Variants in IFT57 observed in about 807,000 individuals in gnomAD.
The protein encoded by IFT57 is intraflagellar transport protein 57 homolog.
Under a neutral mutation model 56.8 loss-of-function variants are expected in IFT57, and 59 were observed. The ratio of observed to expected loss-of-function variants is 1.04; its 90% CI spans 0.84 to 1.29. IFT57 has a LOEUF of 1.29. Ranked by LOEUF, IFT57 falls within the 50% of genes most tolerant of loss-of-function variation. The pLI, the probability that IFT57 is intolerant of heterozygous loss-of-function variation, is 0.00. For synonymous variants in IFT57, 209 were observed against 186.1 expected, an observed-to-expected ratio of 1.12 and a Z score of -1.00; for missense variants, 470 against 522.1, an observed-to-expected ratio of 0.90 and a Z score of 0.97.
chr3:108,181,471 A>C (rs57902939), intron 6 of IFT57, among the ~76,000 whole-genome samples: 1,558 of 152,212 alleles, frequency 0.01, 22 homozygotes, highest in African/African-American at 0.035. Flanking sequence ...GTCTCTCTTA[A>C]AGAAAGCTTG....
At chr3:108,173,806 G>A (rs59908538) in intron 6 of IFT57, among the ~76,000 whole-genome samples, 12,029 of 101,164 alleles carry the variant, frequency 0.12, 589 homozygotes, top group Middle Eastern at 0.19. Flanking sequence ...GTGTGTGTGT[G>A]TGTATATAAT....
chr3:108,222,255 T>C lies in IFT57; in HGVS notation c.68A>G (p.Glu23Gly), dbSNP rs1370816588. 7 of 1,614,008 alleles carry C rather than the reference T, an allele frequency of 4.3e-6. No homozygotes were observed. Among genetic ancestry groups the C allele is most frequent in the Non-Finnish European group, 5.9e-6 (7 of 1,180,008 alleles). ...CTCCAAGACCACTTCCCCGGTCCCT[T>C]CGCCACGGGACCTAGGCACCCCATC... ...LEDGVPRSRG[E>G]GTGEVVLERG... The change falls in exon 1 of 11, where the codon GAA (glutamate) becomes GGA (glycine). Residue 23 changes from glutamate to glycine, a missense_variant. Glu to Gly is a moderately conservative substitution (Grantham distance 98). Coordinates refer to ENST00000264538, the MANE Select transcript of IFT57 (RefSeq NM_018010.4).
chr3:108,183,677 C>T (rs1481212386), intron 6 of IFT57, among the ~76,000 whole-genome samples: 1 of 152,126 alleles, frequency 6.6e-6, no homozygotes, highest in Non-Finnish European at 1.5e-5. Flanking sequence ...CCTTGCTATA[C>T]AGTAAGCTTT....
chr3:108,216,200 T>C (rs1050179400), intron 3 of IFT57, among the ~76,000 whole-genome samples: 7 of 152,124 alleles, frequency 4.6e-5, no homozygotes, highest in Non-Finnish European at 8.8e-5. Context: ...GGAGAAAATA[T>C]TTGCAAACTA....
At chr3:108,211,950 A>T (rs931434911) in intron 4 of IFT57, among the ~76,000 whole-genome samples, 1 of 152,190 alleles carries the variant, frequency 6.6e-6, no homozygotes, top group Non-Finnish European at 1.5e-5. Context: ...TTACATTCCC[A>T]TGTCAGTAAC....
rs114480088 is a variant in IFT57 at position 108,201,772 on chromosome 3, T to C, written c.654+4856A>G. Among the ~76,000 whole-genome samples the C allele has an allele frequency of 1.0e-2, 1,517 of 152,250 alleles. 18 individuals are homozygous for C. The highest frequency in any genetic ancestry group is 0.034 in the African/African-American group (1,427 of 41,546). On this transcript the variant is annotated intron_variant, in intron 5 of 10. Coordinates refer to ENST00000264538, the MANE Select transcript of IFT57 (RefSeq NM_018010.4). ...TAAAACATATGTAAAATTAAAAAAATTAAAGTATTTAAGATATTAACCAAA... is the reference window on the plus strand; with the variant it reads ...TAAAACATATGTAAAATTAAAAAAACTAAAGTATTTAAGATATTAACCAAA...
intron 4 of IFT57, among the ~76,000 whole-genome samples, chr3:108,208,728 A>G (rs1250449198): frequency 6.6e-6 from 1 of 152,220 alleles, no homozygotes; most frequent in African/African-American, 2.4e-5. Flanking sequence ...ATTTGATTGA[A>G]CAGAAATTAA....
intron 5 of IFT57, among the ~76,000 whole-genome samples, chr3:108,202,562 G>T (rs1028411079): frequency 6.6e-6 from 1 of 152,148 alleles, no homozygotes; most frequent in African/African-American, 2.4e-5. Flanking sequence ...GGAATCAGAG[G>T]GACATAAAGA....
chr3:108,197,935 T>C (rs2080252394), intron 5 of IFT57, among the ~76,000 whole-genome samples: 1 of 152,124 alleles, frequency 6.6e-6, no homozygotes, highest in African/African-American at 2.4e-5. Flanking sequence ...AATGAGACAA[T>C]GTATTTAAAA....
intron 9 of IFT57, among the ~76,000 whole-genome samples, chr3:108,164,549 C>A (rs2080050426): frequency 6.7e-6 from 1 of 150,336 alleles, no homozygotes; most frequent in Admixed American, 6.6e-5. Context: ...TGAAATGTTA[C>A]AACTGGGGAT....
intron 4 of IFT57, among the ~76,000 whole-genome samples, chr3:108,207,574 A>G (rs557211411): frequency 1.4e-4 from 22 of 152,342 alleles, no homozygotes; most frequent in African/African-American, 3.8e-4. Flanking sequence ...GAACACTTCC[A>G]TATGTAGAAC....
intron 2 of IFT57, 148 bp downstream of exon 2, chr3:108,219,262 T>C (rs1365958145): frequency 4.8e-6 from 3 of 627,234 alleles, no homozygotes; most frequent in East Asian, 2.7e-5. Flanking sequence ...ATTAACATTA[T>C]AATGTAAACT....
In IFT57 at chr3:108,166,964, T is replaced by C. The variant is rs1391868107; in HGVS notation, c.871A>G (p.Asn291Asp). 2 of 1,608,786 alleles carry C rather than the reference T, an allele frequency of 1.2e-6. No homozygotes were observed. The highest frequency in any genetic ancestry group is 1.3e-5 in the African/African-American group (1 of 74,830). Residue 291 changes from asparagine to aspartate, a missense_variant, in exon 8 of 11, where the codon AAT (asparagine) becomes GAT (aspartate). Coordinates refer to ENST00000264538, the MANE Select transcript of IFT57 (RefSeq NM_018010.4). Reference protein sequence around the residue: ...ETKGFLDKLHNEITRTLEKIS... With the variant: ...ETKGFLDKLHDEITRTLEKIS... ...TTTTCCAAAGTCCTAGTAATTTCAT[T>C]ATGGAGTTTGTCCAAAAATCCCTAG...
intron 4 of IFT57, among the ~76,000 whole-genome samples, chr3:108,211,813 T>G (rs1409324120): frequency 6.6e-6 from 1 of 152,142 alleles, no homozygotes; most frequent in East Asian, 1.9e-4. Context: ...TAGAAAACAA[T>G]CATCCATAAT....
intron 6 of IFT57, among the ~76,000 whole-genome samples, chr3:108,173,837 A>G (rs1411345146): frequency 1.4e-5 from 2 of 142,158 alleles, no homozygotes; most frequent in African/African-American, 5.2e-5. Context: ...ATATACAGTA[A>G]TATTAAACAT....
Position 108,218,646 on chromosome 3 carries a change from G to C in IFT57, c.383C>G (p.Thr128Ser), listed in dbSNP as rs1176782411. The C allele has an allele frequency of 6.8e-7, 1 of 1,480,290 alleles. No homozygotes were observed. 91.7% of individuals were successfully genotyped at this position (1,480,290 alleles called of 1,614,324 possible). ...ILSELRSFGR[T>S]ADFPPSKLKS... ...TAATTTTGAAGGAGGAAAATCTGCA[G>C]TTCTTCCCTGAAAAACAAAAGAAAA... Residue 128 changes from threonine (T) to serine (S), a missense_variant, in exon 3 of 11, where the codon ACT (threonine) becomes AGT (serine). Coordinates refer to ENST00000264538, the MANE Select transcript of IFT57 (RefSeq NM_018010.4).
chr3:108,205,132 AT>A (rs2080302301), intron 5 of IFT57, among the ~76,000 whole-genome samples: 1 of 152,116 alleles, frequency 6.6e-6, no homozygotes. Context: ...TATCTCCGTT[AT>A]CAAGGAGCTT....
chr3:108,209,187 TTTG>T (rs1459166483), intron 4 of IFT57, among the ~76,000 whole-genome samples: 6 of 152,220 alleles, frequency 3.9e-5, no homozygotes, highest in Admixed American at 1.3e-4. Context: ...CGTATGTATT[TTTG>T]TTTTCTTTAC....
intron 5 of IFT57, 46 bp downstream of exon 5, chr3:108,206,582 G>T: frequency 1.2e-6 from 1 of 810,940 alleles, no homozygotes; most frequent in Non-Finnish European, 1.8e-6. Flanking sequence ...AGCAGAACAT[G>T]TACATTGATT....
Sources: gnomAD v4.1 joint callset for allele counts (sites outside exome capture counted in the v4.1 genomes callset) on GRCh38, gnomAD v4.1.1 for gene constraint, MANE v1.5 for transcripts, NCBI Gene and HGNC (gene_info 2026-07-23, HGNC 2026-07-21) for gene names.